The following RFTN2 variants were observed in gnomAD, a reference collection of about 807,000 sequenced individuals.
RFTN2 encodes raftlin family member 2, also known as raftlin-2.
A neutral mutation model predicts 52.7 loss-of-function variants in RFTN2; 34 were observed. The observed-to-expected ratio is 0.64, with a 90% CI of 0.49 to 0.86. The LOEUF (loss-of-function observed/expected upper bound fraction) is 0.86. Ranked by LOEUF, RFTN2 falls within the 40% of genes least tolerant of loss-of-function variation. The pLI is 0.00. For synonymous variants in RFTN2, 203 were observed against 217.7 expected, an observed-to-expected ratio of 0.93 and a Z score of 0.59; for missense variants, 536 against 600.1, an observed-to-expected ratio of 0.89 and a Z score of 1.12.
intron 7 of RFTN2, among the ~76,000 whole-genome samples, chr2:197,613,002 T>C (rs868450220): frequency 6.6e-6 from 1 of 152,236 alleles, no homozygotes; most frequent in Non-Finnish European, 1.5e-5. Context: ...AAAAAGAAGA[T>C]GATGATAGAC....
At chr2:197,594,323 C>A (rs1223834493) in intron 8 of RFTN2, among the ~76,000 whole-genome samples, 1 of 151,748 alleles carries the variant, frequency 6.6e-6, no homozygotes, top group Non-Finnish European at 1.5e-5. Context: ...CAGAATATTT[C>A]TTTTATTTAA....
At chr2:197,649,399 G>A (rs13005446) in intron 1 of RFTN2, among the ~76,000 whole-genome samples, 67 of 152,300 alleles carry the variant, frequency 4.4e-4, no homozygotes, top group Admixed American at 8.5e-4. Context: ...ATACTTAGAG[G>A]TGGAGCTAAT....
At chr2:197,607,761 T>C (rs1321319366) in intron 7 of RFTN2, among the ~76,000 whole-genome samples, 1 of 152,184 alleles carries the variant, frequency 6.6e-6, no homozygotes, top group African/African-American at 2.4e-5. Context: ...TTCCTTTGCC[T>C]ATGACCCTGA....
intron 1 of RFTN2, among the ~76,000 whole-genome samples, chr2:197,663,583 A>G (rs2089008223): frequency 6.6e-6 from 1 of 152,024 alleles, no homozygotes; most frequent in African/African-American, 2.4e-5. Context: ...GAATTTATCT[A>G]TTTCCTCTAG....
chr2:197,673,188 C>T (rs1389378768), intron 1 of RFTN2, among the ~76,000 whole-genome samples: 1 of 152,172 alleles, frequency 6.6e-6, no homozygotes, highest in Non-Finnish European at 1.5e-5. Context: ...TCCATGGTGG[C>T]CTCTGACAGG....
chr2:197,618,216 CCTGCGATTGCAG>C (rs1224438098), intron 5 of RFTN2, among the ~76,000 whole-genome samples: 1 of 151,998 alleles, frequency 6.6e-6, no homozygotes, highest in East Asian at 1.9e-4. Context: ...TTGCCGAGTG[CCTGCGATTGCAG>C]GCGCGCGCCG....
chr2:197,657,350 T>C (rs1205736278), intron 1 of RFTN2, among the ~76,000 whole-genome samples: 1 of 152,250 alleles, frequency 6.6e-6, no homozygotes, highest in Non-Finnish European at 1.5e-5. Context: ...CCAGGGATTC[T>C]GTAGACCAGA....
rs551624759 is a variant in RFTN2 at position 197,644,252 on chromosome 2, G to C, written c.344C>G (p.Pro115Arg). The C allele has an allele frequency of 4.4e-6, 7 of 1,608,278 alleles. No individual in the cohort carries two copies. In the African/African-American group the frequency reaches 9.3e-5, roughly 21 times the overall value. ...GAGCCTTGGGCGTCTTTGTCCACTG[G>C]GTGCTGCCGAATTCTTTGGGCTGTA... ...LKLSPKNSAA[P>R]SGQRRPRLVI... The change falls in exon 3 of 9, where the codon CCC (proline) becomes CGC (arginine). Residue 115 changes from proline to arginine, a missense_variant. Pro to Arg is a moderately radical substitution (Grantham distance 103). Coordinates refer to ENST00000295049, the MANE Select transcript of RFTN2 (RefSeq NM_144629.3).
At chr2:197,585,929 C>T (rs998943024) in intron 8 of RFTN2, among the ~76,000 whole-genome samples, 1 of 152,198 alleles carries the variant, frequency 6.6e-6, no homozygotes, top group African/African-American at 2.4e-5. Context: ...ACACAAACTA[C>T]TATTGCTGTG....
intron 3 of RFTN2, among the ~76,000 whole-genome samples, chr2:197,643,631 A>G (rs2106248917): frequency 6.6e-6 from 1 of 152,210 alleles, no homozygotes; most frequent in African/African-American, 2.4e-5. Context: ...TGTAATGTAT[A>G]TTTTGAAAAC....
At chr2:197,595,955 A>G (rs1316823275) in intron 8 of RFTN2, 36 bp downstream of exon 8, 3 of 1,317,928 alleles carry the variant, frequency 2.3e-6, no homozygotes, top group Non-Finnish European at 3.3e-6. Context: ...ATGCTTCAAT[A>G]TAACATTCAG....
chr2:197,670,220 C>A (rs921141655), intron 1 of RFTN2, among the ~76,000 whole-genome samples: 1 of 152,124 alleles, frequency 6.6e-6, no homozygotes, highest in South Asian at 2.1e-4. Flanking sequence ...ACCATCCAAC[C>A]CTTTAAGGGT....
intron 1 of RFTN2, among the ~76,000 whole-genome samples, chr2:197,668,509 A>G (rs1251509400): frequency 6.6e-6 from 1 of 152,104 alleles, no homozygotes; most frequent in East Asian, 1.9e-4. Flanking sequence ...GTAGCACTTC[A>G]GCCCTGGGCG....
Position 197,646,471 on chromosome 2 carries a change from TA to T in RFTN2, c.323+11del. 1 of 1,605,066 alleles carries T rather than the reference TA, an allele frequency of 6.2e-7. No individual in the cohort carries two copies. The highest frequency in any genetic ancestry group is 8.5e-7 in the Non-Finnish European group (1 of 1,175,622). ...CACCCTCACCTGCCTCTTTCTTGAA[TA>T]GTGTGCTTACCTTAATTTCAAGCGC... On this transcript the variant is annotated intron_variant, in intron 2 of 8. Coordinates refer to ENST00000295049, the MANE Select transcript of RFTN2 (RefSeq NM_144629.3).
chr2:197,606,729 A>C (rs2087967834), intron 7 of RFTN2, among the ~76,000 whole-genome samples: 1 of 151,788 alleles, frequency 6.6e-6, no homozygotes, highest in Non-Finnish European at 1.5e-5. Flanking sequence ...ACATGAAAAA[A>C]TGCTCATCAT....
At chr2:197,669,125 C>A (rs1008489738) in intron 1 of RFTN2, among the ~76,000 whole-genome samples, 1 of 152,188 alleles carries the variant, frequency 6.6e-6, no homozygotes, top group Non-Finnish European at 1.5e-5. Context: ...TTCCTAACTG[C>A]AGTTTTAAAA....
intron 8 of RFTN2, among the ~76,000 whole-genome samples, chr2:197,589,523 T>TGGGGAGAA (rs2087662519): frequency 6.6e-6 from 1 of 152,220 alleles, no homozygotes; most frequent in African/African-American, 2.4e-5. Context: ...TCCCCAGTTC[T>TGGGGAGAA]TGGTATTGTC....
At chr2:197,641,149 A>G (rs1041771926) in intron 3 of RFTN2, among the ~76,000 whole-genome samples, 36 of 152,360 alleles carry the variant, frequency 2.4e-4, no homozygotes, top group African/African-American at 8.2e-4. Flanking sequence ...TTAGAGTCAG[A>G]ATGAAATGGA....
intron 5 of RFTN2, among the ~76,000 whole-genome samples, chr2:197,623,228 T>G (rs1203372672): frequency 6.6e-6 from 1 of 152,238 alleles, no homozygotes; most frequent in Admixed American, 6.5e-5. Flanking sequence ...CATTTATGAT[T>G]CATGGGAGGA....
Sources: allele counts gnomAD v4.1 joint callset (sites outside exome capture counted in the v4.1 genomes callset), GRCh38; gene constraint gnomAD v4.1.1; transcripts MANE v1.5; gene names NCBI Gene and HGNC (gene_info 2026-07-23, HGNC 2026-07-21).